The following RAD51B variants were observed in gnomAD, a reference collection of about 807,000 sequenced individuals.
The protein encoded by RAD51B is DNA repair protein RAD51 homolog 2.
A neutral mutation model predicts 42.2 loss-of-function variants in RAD51B; 38 were observed. That is an observed-to-expected ratio of 0.90 (90% CI 0.70 to 1.18). The LOEUF (loss-of-function observed/expected upper bound fraction) is 1.18. Among genes scored for constraint, RAD51B ranks in the 50% most tolerant of loss-of-function variants. The pLI is 0.00. For missense variants in RAD51B, 373 were observed against 400.7 expected (o/e 0.93, Z 0.59); for synonymous variants, 154 against 145.2 (o/e 1.06, Z -0.43).
intron 7 of RAD51B, among the ~76,000 whole-genome samples, chr14:68,182,744 C>G (rs2079079284): frequency 6.6e-6 from 1 of 152,156 alleles, no homozygotes. Flanking sequence ...GTTTCACCTT[C>G]CGGGGAAAAT....
chr14:67,946,746 C>G (rs2045408352), intron 7 of RAD51B, among the ~76,000 whole-genome samples: 1 of 152,102 alleles, frequency 6.6e-6, no homozygotes, highest in South Asian at 2.1e-4. Flanking sequence ...TTTTTTAAAA[C>G]AAACAAAACA....
intron 7 of RAD51B, among the ~76,000 whole-genome samples, chr14:67,965,098 G>A (rs1413799912): frequency 1.3e-5 from 2 of 152,166 alleles, no homozygotes; most frequent in Admixed American, 6.5e-5. Flanking sequence ...TTGGAGCTCA[G>A]TAAGGGTTGC....
chr14:68,477,166 G>T (rs980043149), intron 10 of RAD51B, among the ~76,000 whole-genome samples: 11 of 152,312 alleles, frequency 7.2e-5, no homozygotes, highest in East Asian at 5.8e-4. Flanking sequence ...GTCCCTATGC[G>T]AGGCCAAGTC....
At chr14:68,471,702 A>AG in intron 10 of RAD51B, among the ~76,000 whole-genome samples, 1 of 151,662 alleles carries the variant, frequency 6.6e-6, no homozygotes, top group African/African-American at 2.4e-5. Context: ...GCAAAAAAAA[A>AG]AAAAAGGAAG....
At chr14:68,562,582 C>T (rs2140021778) in intron 10 of RAD51B, 1 of 985,414 alleles carries the variant, frequency 1.0e-6, no homozygotes, top group South Asian at 4.7e-5. Context: ...ACTGTGCAGT[C>T]TTAGGAGTAA....
At chr14:67,946,203 A>G (rs191396044) in intron 7 of RAD51B, among the ~76,000 whole-genome samples, 1 of 152,248 alleles carries the variant, frequency 6.6e-6, no homozygotes, top group Non-Finnish European at 1.5e-5. Flanking sequence ...TTTCTAATTC[A>G]ACTTTTAATC....
At chr14:68,462,721 G>A (rs1042251482) in intron 9 of RAD51B, among the ~76,000 whole-genome samples, 1 of 152,178 alleles carries the variant, frequency 6.6e-6, no homozygotes, top group African/African-American at 2.4e-5. Context: ...TCCTTGCAAG[G>A]ATAGGTAAAG....
intron 10 of RAD51B, chr14:68,562,333 CA>C: frequency 1.0e-6 from 1 of 985,386 alleles, no homozygotes; most frequent in Non-Finnish European, 1.2e-6. Flanking sequence ...GTGTGATCTA[CA>C]GGGTGAGACA....
At chr14:68,563,300 T>C (rs1235420645) in intron 10 of RAD51B, 2 of 985,306 alleles carry the variant, frequency 2.0e-6, no homozygotes, top group Non-Finnish European at 2.4e-6. Context: ...TGCAATGGGC[T>C]TGTTCTCTCC....
chr14:68,009,932 C>G (rs2075655811), intron 7 of RAD51B, among the ~76,000 whole-genome samples: 1 of 151,772 alleles, frequency 6.6e-6, no homozygotes, highest in African/African-American at 2.4e-5. Flanking sequence ...CTGTTTATTT[C>G]TAGGCTCCTT....
At chr14:68,567,776 A>C (rs1889496387) in intron 10 of RAD51B, among the ~76,000 whole-genome samples, 1 of 152,200 alleles carries the variant, frequency 6.6e-6, no homozygotes, top group East Asian at 1.9e-4. Flanking sequence ...TGCTGTACCC[A>C]CAAGAAGAAC....
intron 7 of RAD51B, among the ~76,000 whole-genome samples, chr14:68,277,909 AT>A (rs1566779736): frequency 6.6e-6 from 1 of 152,134 alleles, no homozygotes; most frequent in Non-Finnish European, 1.5e-5. Context: ...TGCCTGGCTA[AT>A]TTTTGTATTT....
chr14:68,157,426 G>A (rs372282836), intron 7 of RAD51B, among the ~76,000 whole-genome samples: 2 of 152,158 alleles, frequency 1.3e-5, no homozygotes, highest in South Asian at 4.2e-4. Flanking sequence ...TGAAAGATGG[G>A]GATACTATAT....
rs189497395 is a variant in RAD51B at position 67,825,271 on chromosome 14, G to A, written c.85-193G>A. 1.2e-3 allele frequency among the ~76,000 whole-genome samples: 185 copies of A among 152,182 alleles called. 3 individuals carry two copies. The highest frequency in any genetic ancestry group is 0.01 in the Middle Eastern group (3 of 292). ...TGCCAACTAAACAGGATAATTAGAA[G>A]ATAAGTTTGTGTCATTACAACTTTT... is the stretch of plus-strand genomic sequence containing the variant. On this transcript the variant is annotated intron_variant, in intron 2 of 10. Transcript: ENST00000471583.
intron 7 of RAD51B, among the ~76,000 whole-genome samples, chr14:68,220,580 G>A (rs549440743): frequency 1.1e-4 from 17 of 152,034 alleles, no homozygotes; most frequent in South Asian, 4.1e-4. Flanking sequence ...CACTTTCACC[G>A]CTTCTATTCA....
intron 7 of RAD51B, among the ~76,000 whole-genome samples, chr14:68,129,209 G>A (rs1449953098): frequency 6.6e-6 from 1 of 152,166 alleles, no homozygotes; most frequent in African/African-American, 2.4e-5. Flanking sequence ...TTGGCTGCTT[G>A]TTCAAGCCTC....
At chr14:68,391,280 T>C (rs8021199) in intron 8 of RAD51B, among the ~76,000 whole-genome samples, 67,353 of 151,704 alleles carry the variant, frequency 0.44, 16,821 homozygotes, top group Admixed American at 0.59. Flanking sequence ...TCATTTGTGT[T>C]GTCACATATA....
chr14:68,367,581 T>C (rs1205318135), intron 8 of RAD51B, among the ~76,000 whole-genome samples: 1 of 152,132 alleles, frequency 6.6e-6, no homozygotes, highest in Non-Finnish European at 1.5e-5. Context: ...CATTACTTCT[T>C]AGGAGTGGGG....
intron 7 of RAD51B, among the ~76,000 whole-genome samples, chr14:68,009,052 G>T (rs2075641363): frequency 6.6e-6 from 1 of 151,878 alleles, no homozygotes; most frequent in African/African-American, 2.4e-5. Context: ...TGTTGAATGG[G>T]ATTTCCCTAA....
Sources: allele counts gnomAD v4.1 joint callset (sites outside exome capture counted in the v4.1 genomes callset), GRCh38; gene constraint gnomAD v4.1.1; transcripts MANE v1.5; gene names NCBI Gene and HGNC (gene_info 2026-07-23, HGNC 2026-07-21).